KIF1C: variants seen among roughly 807,000 people sequenced by gnomAD.
The protein encoded by KIF1C is kinesin family member 1C.
KIF1C carries 61 observed loss-of-function variants against 126.5 expected under a neutral mutation model. The ratio of observed to expected loss-of-function variants is 0.48; its 90% CI spans 0.39 to 0.60. The LOEUF is 0.60. KIF1C is among the 20% of genes least tolerant of loss of function. KIF1C has a pLI of 0.00. For synonymous variants in KIF1C, 640 were observed against 580.6 expected, an observed-to-expected ratio of 1.10 and a Z score of -1.47; for missense variants, 1,315 against 1,489.2, an observed-to-expected ratio of 0.88 and a Z score of 1.93.
chr17:5,016,201 G>A (rs1444225369), intron 18 of KIF1C, among the ~76,000 whole-genome samples: 1 of 151,078 alleles, frequency 6.6e-6, no homozygotes, highest in Non-Finnish European at 1.5e-5. Context: ...GCAGTGGTGC[G>A]ATCTCGACTC....
At chr17:5,017,344 G>C (rs1053178725) in intron 18 of KIF1C, among the ~76,000 whole-genome samples, 11 of 138,552 alleles carry the variant, frequency 7.9e-5, no homozygotes, top group African/African-American at 3.0e-4. Flanking sequence ...CTGTCGCCCA[G>C]GCTCGAGTGC....
At chr17:5,018,901 T>C (rs748000554) in intron 18 of KIF1C, among the ~76,000 whole-genome samples, 10 of 152,104 alleles carry the variant, frequency 6.6e-5, no homozygotes, top group Non-Finnish European at 1.3e-4. Flanking sequence ...TGGGTTTGAA[T>C]CAATAAATGA....
chr17:5,014,651 G>T, intron 17 of KIF1C, 92 bp from the exon 18 acceptor site: 1 of 896,520 alleles, frequency 1.1e-6, no homozygotes, highest in Non-Finnish European at 1.8e-6. Flanking sequence ...GGAATAATTG[G>T]CTTGGTTCAT....
Position 5,004,583 on chromosome 17 carries a change from A to T in KIF1C, c.957A>T (p.Thr319=). The T allele has an allele frequency of 6.2e-7, 1 of 1,614,164 alleles. No homozygotes were observed. Among genetic ancestry groups the T allele is most frequent in the Non-Finnish European group, 8.5e-7 (1 of 1,180,046 alleles). ...LKENLGGNSR[T]AMIAALSPAD... Reference sequence around the variant, plus strand: ...CATTCACAGGGGGGAACTCACGCACAGCCATGATTGCAGCCCTGAGCCCTG... The same window carrying T: ...CATTCACAGGGGGGAACTCACGCACTGCCATGATTGCAGCCCTGAGCCCTG... The change falls in exon 12 of 23, where the codon ACA becomes ACT. Residue 319 remains threonine (T), a synonymous_variant. Coordinates refer to ENST00000320785, the MANE Select transcript of KIF1C (RefSeq NM_006612.6).
chr17:5,014,655 G>C (rs1052971889), intron 17 of KIF1C, 88 bp from the exon 18 acceptor site: 5 of 929,308 alleles, frequency 5.4e-6, no homozygotes, highest in Non-Finnish European at 8.5e-6. Flanking sequence ...TAATTGGCTT[G>C]GTTCATTGAG....
intron 17 of KIF1C, 38 bp downstream of exon 17, chr17:5,013,770 T>C (rs1974915856): frequency 6.5e-7 from 1 of 1,541,106 alleles, no homozygotes; most frequent in Non-Finnish European, 9.0e-7. Flanking sequence ...CAGCCTCTGC[T>C]TTTGGGGTGT....
chr17:5,024,590 T>G lies in KIF1C; in HGVS notation c.*439T>G. 1 of 161,102 alleles carries G rather than the reference T, an allele frequency of 6.2e-6. No homozygotes were observed. The highest frequency in any genetic ancestry group is 6.4e-5 in the Admixed American group (1 of 15,596). The allele number at this position is 161,102 out of a possible 1,614,324, so 10.0% of individuals were successfully genotyped here. A position where few individuals can be genotyped will look rare whatever the true frequency, so the allele number is the denominator to read the frequency against. On this transcript the variant is annotated 3_prime_UTR_variant, in exon 23 of 23. Coordinates refer to ENST00000320785, the MANE Select transcript of KIF1C (RefSeq NM_006612.6). ...CTGTTTCTTGGGAGGCATGGTAGGA[T>G]CATAAGTCATTCCCCTCCCCTTCCA...
rs960089603 is a variant in KIF1C, at chr17:5,019,046, C to T, written c.1667-950C>T. 6.6e-5 allele frequency among the ~76,000 whole-genome samples: 10 copies of T among 152,166 alleles called. 1 individual carries two copies. The highest frequency in any genetic ancestry group is 8.8e-5 in the Non-Finnish European group (6 of 68,036). Reference sequence around the variant, plus strand: ...CACCGTGATGCCCTTGGCTGCCCCTCTCCCCATCGGCTTCTGAGTCTCCCT... The same window carrying T: ...CACCGTGATGCCCTTGGCTGCCCCTTTCCCCATCGGCTTCTGAGTCTCCCT... On this transcript the variant is annotated intron_variant, in intron 18 of 22. Coordinates refer to ENST00000320785, the MANE Select transcript of KIF1C (RefSeq NM_006612.6).
Position 5,022,311 on chromosome 17 carries a change from A to G in KIF1C, c.2230A>G (p.Met744Val), listed in dbSNP as rs1975108575. 1 of 1,610,292 alleles carries G rather than the reference A, an allele frequency of 6.2e-7. No individual in the cohort carries two copies. Among genetic ancestry groups the G allele is most frequent in the Non-Finnish European group, 8.5e-7 (1 of 1,178,264 alleles). Reference sequence around the variant, plus strand: ...GGGCAAAGACCCCCGCTGGGCCACCATGGCTGACCTGAAGATGCAGGCGGT... The same window carrying G: ...GGGCAAAGACCCCCGCTGGGCCACCGTGGCTGACCTGAAGATGCAGGCGGT... The part of the protein sequence containing the change: ...LQGKDPRWAT[M>V]ADLKMQAVKE... The change falls in exon 22 of 23, where the codon ATG becomes GTG. Residue 744 changes from methionine (M) to valine (V), a missense_variant. Physicochemically the swap from Met to Val is conservative, Grantham distance 21 (BLOSUM62 1). Transcript: ENST00000320785. This position sits in a 1 kb window ranked among gnomAD's most constrained non-coding sequence, Gnocchi z 4.9.
In KIF1C at chr17:4,998,172, G is replaced by C. The variant is rs567299452; in HGVS notation, c.-149+16G>C. On this transcript the variant is annotated intron_variant, in intron 1 of 22. Coordinates refer to ENST00000320785, the MANE Select transcript of KIF1C (RefSeq NM_006612.6). Reference sequence around the variant, plus strand: ...CCGCGCCGAGGTGAGGGCTGGGGAAGGGGGAGGGAAGGGACGCCCGCGGAG... The same window carrying C: ...CCGCGCCGAGGTGAGGGCTGGGGAACGGGGAGGGAAGGGACGCCCGCGGAG... 1 of 152,486 alleles carries C rather than the reference G, an allele frequency of 6.6e-6. No homozygotes were observed. Among genetic ancestry groups the C allele is most frequent in the African/African-American group, 2.4e-5 (1 of 41,464 alleles). The allele number at this position is 152,486 out of a possible 1,614,324, so 9.4% of individuals were successfully genotyped here.
chr17:5,007,360 TG>T lies in KIF1C; in HGVS notation c.1415+22del. ...ATGGAGAGGTGTGAGGGCCGACAGT[TG>T]GGGTCCTGGGTGGAGTTGGAGGCCA... On this transcript the variant is annotated intron_variant, in intron 15 of 22. Coordinates refer to ENST00000320785, the MANE Select transcript of KIF1C (RefSeq NM_006612.6). 1 of 1,612,986 alleles carries T rather than the reference TG, an allele frequency of 6.2e-7. No individual in the cohort carries two copies. Among genetic ancestry groups the T allele is most frequent in the Non-Finnish European group, 8.5e-7 (1 of 1,179,224 alleles).
At chr17:5,003,572 C>G (rs561133764) in intron 8 of KIF1C, 40 bp from the exon 9 acceptor site, 13 of 1,467,512 alleles carry the variant, frequency 8.9e-6, no homozygotes, top group Non-Finnish European at 1.1e-5. Context: ...CCCCGTCCCC[C>G]ACCCGCACCT....
At chr17:5,007,929 T>C (rs1271768560) in intron 16 of KIF1C, among the ~76,000 whole-genome samples, 1 of 152,214 alleles carries the variant, frequency 6.6e-6, no homozygotes, top group Non-Finnish European at 1.5e-5. Flanking sequence ...GAGCACTACA[T>C]TGTAAGACAG....
At chr17:5,003,974 C>G in intron 10 of KIF1C, 24 bp from the exon 11 acceptor site, 2 of 1,612,368 alleles carry the variant, frequency 1.2e-6, no homozygotes, top group East Asian at 2.2e-5. Context: ...CCACCCTAAC[C>G]TCCTTCCTCC....
rs1415492201 is a variant in KIF1C, at chr17:5,022,615, A to G, written c.2534A>G (p.Gln845Arg). 1.2e-6 allele frequency: 2 copies of G among 1,607,188 alleles called. No homozygotes were observed. The highest frequency in any genetic ancestry group is 1.7e-6 in the Non-Finnish European group (2 of 1,176,494). Residue 845 changes from glutamine to arginine, a missense_variant, in exon 22 of 23, where the codon CAG (glutamine) becomes CGG (arginine). Around this residue, in one of 2 missense-constraint regions of KIF1C, gnomAD observed 441 missense variants for 436.1 expected, o/e 1.01. Transcript: ENST00000320785. This position sits in a 1 kb window ranked among gnomAD's most constrained non-coding sequence, Gnocchi z 4.9. ...ATCGACAAGCTGACGGGGATTCTGC[A>G]GGAGGTGAAGCTGCAGAACAGCAGC... Reference protein sequence around the residue: ...AHIDKLTGILQEVKLQNSSKD... With the variant: ...AHIDKLTGILREVKLQNSSKD...
Position 5,027,426 on chromosome 17 carries a change from A to G in KIF1C, c.*3275A>G, listed in dbSNP as rs7216211. ...ATTACAGGCGTGAGCCACCACGCCCAGCCTATTTATTTATTTTTTTAGAAT... is the reference window on the plus strand; with the variant it reads ...ATTACAGGCGTGAGCCACCACGCCCGGCCTATTTATTTATTTTTTTAGAAT... On this transcript the variant is annotated 3_prime_UTR_variant, in exon 23 of 23. Coordinates refer to ENST00000320785, the MANE Select transcript of KIF1C (RefSeq NM_006612.6). The G allele has an allele frequency of 0.95, 145,034 of 152,318 alleles. 69,110 individuals carry two copies. The highest frequency in any genetic ancestry group is 0.96 in the African/African-American group (40,061 of 41,570). 9.4% of individuals were successfully genotyped at this position (152,318 alleles called of 1,614,324 possible).
intron 3 of KIF1C, 82 bp downstream of exon 3, chr17:5,000,434 T>A: frequency 2.1e-6 from 2 of 949,396 alleles, no homozygotes; most frequent in Non-Finnish European, 3.3e-6. Flanking sequence ...TGGGCCAAAC[T>A]AAGAGGAGGG....
Position 5,007,529 on chromosome 17 carries a change from T to C in KIF1C, c.1478T>C (p.Phe493Ser). 6.4e-7 allele frequency: 1 copy of C among 1,558,100 alleles called. No homozygotes were observed. Among genetic ancestry groups the C allele is most frequent in the Non-Finnish European group, 8.7e-7 (1 of 1,153,082 alleles). The change falls in exon 16 of 23, where the codon TTC (phenylalanine) becomes TCC (serine). Residue 493 changes from phenylalanine to serine, a missense_variant. Coordinates refer to ENST00000320785, the MANE Select transcript of KIF1C (RefSeq NM_006612.6). ...VREDGGTVGV[F>S]SPKKTPHLVN... is the part of the protein sequence containing the mutation. Reference sequence around the variant, plus strand: ...GAGGATGGGGGAACTGTGGGCGTCTTCTCTCCAAAGAAGGTGAGTGAGGAA... The same window carrying C: ...GAGGATGGGGGAACTGTGGGCGTCTCCTCTCCAAAGAAGGTGAGTGAGGAA...
At chr17:5,003,741 T>C (rs767555035) in intron 9 of KIF1C, 52 bp downstream of exon 9, 4 of 1,571,332 alleles carry the variant, frequency 2.5e-6, no homozygotes, top group South Asian at 2.2e-5. Flanking sequence ...GTGGGCTGTA[T>C]GTGGAGGTCT....
Sources: allele counts gnomAD v4.1 joint callset (sites outside exome capture counted in the v4.1 genomes callset), GRCh38; gene constraint gnomAD v4.1.1; regional missense constraint gnomAD v4.1.1; non-coding constraint Gnocchi (gnomAD v3.1); transcripts MANE v1.5; gene names NCBI Gene and HGNC (gene_info 2026-07-23, HGNC 2026-07-21).